NCAM1: variants seen among roughly 807,000 people sequenced by gnomAD.
The protein encoded by NCAM1 is antigen recognized by monoclonal antibody 5.1H11.
NCAM1 carries 14 observed loss-of-function variants against 109.8 expected under a neutral mutation model. That is an observed-to-expected ratio of 0.13 (90% confidence interval 0.08 to 0.20). The LOEUF (loss-of-function observed/expected upper bound fraction) is 0.20. NCAM1 is among the 10% of genes least tolerant of loss of function. NCAM1 has a pLI of 1.00. For missense variants in NCAM1, 774 were observed against 1,109.9 expected (o/e 0.70, Z 4.30); for synonymous variants, 418 against 442.9 (o/e 0.94, Z 0.70).
intron 1 of NCAM1, among the ~76,000 whole-genome samples, chr11:112,983,809 G>T (rs1426474948): frequency 6.6e-6 from 1 of 151,824 alleles, no homozygotes; most frequent in African/African-American, 2.4e-5. Flanking sequence ...TGATATACAT[G>T]TACATAACAA....
rs73572723 is a variant in NCAM1, at chr11:113,252,859, C to G, written c.1829-3018C>G. Among the ~76,000 whole-genome samples, 280 of 123,278 alleles carry G rather than the reference C, an allele frequency of 2.3e-3. 5 individuals carry two copies. The highest frequency in any genetic ancestry group is 8.2e-3 in the African/African-American group (274 of 33,318). 80.9% of individuals were successfully genotyped at this position (123,278 alleles called of 152,430 possible). ...AGAGACAGAGTTTCACTATGTTGGCCAGGCTGGTCACAAAATCCTAACCAC... is the reference window on the plus strand; with the variant it reads ...AGAGACAGAGTTTCACTATGTTGGCGAGGCTGGTCACAAAATCCTAACCAC... On this transcript the variant is annotated intron_variant, in intron 15 of 19. Transcript: ENST00000316851.
intron 1 of NCAM1, among the ~76,000 whole-genome samples, chr11:113,004,290 C>T (rs1555072951): frequency 6.6e-6 from 1 of 152,038 alleles, no homozygotes; most frequent in African/African-American, 2.4e-5. Context: ...GTCAGGAGTT[C>T]AAGACCAGCC....
At chr11:113,242,939 T>A in intron 14 of NCAM1, 1 of 1,603,536 alleles carries the variant, frequency 6.2e-7, no homozygotes, top group Non-Finnish European at 8.5e-7. Context: ...TGTTTTCCCT[T>A]TTATTAAAAG....
intron 1 of NCAM1, among the ~76,000 whole-genome samples, chr11:113,163,246 T>G (rs782231978): frequency 3.9e-5 from 6 of 152,182 alleles, no homozygotes; most frequent in Non-Finnish European, 8.8e-5. Context: ...CTGTGGCATA[T>G]CTTTTTCTGT....
chr11:113,239,877 A>G (rs1945275870), intron 14 of NCAM1, among the ~76,000 whole-genome samples: 1 of 152,308 alleles, frequency 6.6e-6, no homozygotes, highest in South Asian at 2.1e-4. Context: ...TGAGTATTAG[A>G]TATTAAGGCA....
chr11:113,202,555 C>A, intron 2 of NCAM1, 102 bp downstream of exon 2: 1 of 1,028,380 alleles, frequency 9.7e-7, no homozygotes, highest in Non-Finnish European at 1.4e-6. Context: ...CAAGCCACAC[C>A]TAGAATTCTT....
chr11:113,002,061 G>A (rs147969435), intron 1 of NCAM1, among the ~76,000 whole-genome samples: 3 of 152,238 alleles, frequency 2.0e-5, no homozygotes, highest in East Asian at 1.9e-4. Context: ...TGGTTAGTTC[G>A]GTTTAGGCCA....
At chr11:113,090,042 T>G (rs1191364852) in intron 1 of NCAM1, among the ~76,000 whole-genome samples, 1 of 152,248 alleles carries the variant, frequency 6.6e-6, no homozygotes, top group Non-Finnish European at 1.5e-5. Flanking sequence ...TAGGATTTTG[T>G]GTGCATTCAA....
chr11:112,969,743 C>T (rs759583064), intron 1 of NCAM1, among the ~76,000 whole-genome samples: 29 of 152,080 alleles, frequency 1.9e-4, no homozygotes, highest in Non-Finnish European at 3.8e-4. Flanking sequence ...GTGTACAGTA[C>T]TCTGAATATG....
chr11:113,186,519 T>C (rs1171475155), intron 1 of NCAM1, among the ~76,000 whole-genome samples: 2 of 152,220 alleles, frequency 1.3e-5, no homozygotes, highest in African/African-American at 4.8e-5. Context: ...CACAAGCTAA[T>C]TGCTATAGGA....
At position 113,131,029 on chromosome 11, in the gene NCAM1, C is replaced by G. The variant is rs1941363062; in HGVS notation, c.53-71350C>G. ...CTCTGGAAAAATTTGCTTCCTTAGC[C>G]TAAAAGTCACAGGACAGACGGTTAG... On this transcript the variant is annotated intron_variant, in intron 1 of 19. Coordinates refer to ENST00000316851, the MANE Select transcript of NCAM1 (RefSeq NM_181351.5). Among the ~76,000 whole-genome samples, 3 of 152,224 alleles carry G rather than the reference C, an allele frequency of 2.0e-5. No individual in the cohort carries two copies. In the South Asian group the frequency reaches 6.2e-4, roughly 32 times the overall value.
intron 1 of NCAM1, among the ~76,000 whole-genome samples, chr11:113,088,691 C>T (rs1555088757): frequency 2.6e-5 from 4 of 152,176 alleles, no homozygotes; most frequent in African/African-American, 9.7e-5. Context: ...TTATAGGCTA[C>T]AGGTGTATGT....
intron 1 of NCAM1, among the ~76,000 whole-genome samples, chr11:113,058,195 A>G (rs898139387): frequency 3.3e-5 from 5 of 152,088 alleles, no homozygotes; most frequent in African/African-American, 1.2e-4. Context: ...GACGCAGGAG[A>G]ATCACTTGAA....
At chr11:113,223,309 G>A (rs1944738989) in intron 9 of NCAM1, among the ~76,000 whole-genome samples, 2 of 152,068 alleles carry the variant, frequency 1.3e-5, no homozygotes, top group African/African-American at 4.8e-5. Context: ...GGGAGAACTG[G>A]GCATCTGGCA....
intron 1 of NCAM1, among the ~76,000 whole-genome samples, chr11:113,044,518 C>G (rs1169972624): frequency 8.5e-5 from 13 of 152,062 alleles, no homozygotes; most frequent in South Asian, 6.2e-4. Context: ...AAACCCATCT[C>G]TACTAAAAAT....
chr11:112,967,893 A>G (rs565379145), intron 1 of NCAM1, among the ~76,000 whole-genome samples: 2 of 152,294 alleles, frequency 1.3e-5, no homozygotes, highest in African/African-American at 4.8e-5. Flanking sequence ...AGGGTATATA[A>G]TTTTGAGGGC....
chr11:113,195,495 ATTTTTTTT>A (rs561856662), intron 1 of NCAM1, among the ~76,000 whole-genome samples: 3 of 85,584 alleles, frequency 3.5e-5, no homozygotes, highest in Admixed American at 1.6e-4. Context: ...CCCTTAGTAG[ATTTTTTTT>A]TTTTTTTTTT....
chr11:112,980,167 G>A (rs1951116060), intron 1 of NCAM1, among the ~76,000 whole-genome samples: 1 of 151,750 alleles, frequency 6.6e-6, no homozygotes. Context: ...CCGCTAGGAT[G>A]GCTAGAATCA....
intron 15 of NCAM1, among the ~76,000 whole-genome samples, chr11:113,247,912 T>C (rs1333964751): frequency 6.6e-6 from 1 of 152,210 alleles, no homozygotes; most frequent in Admixed American, 6.5e-5. Flanking sequence ...AGATGACTGT[T>C]CAGTAGCTGA....
Sources: allele counts gnomAD v4.1 joint callset (sites outside exome capture counted in the v4.1 genomes callset), GRCh38; gene constraint gnomAD v4.1.1; transcripts MANE v1.5; gene names NCBI Gene and HGNC (gene_info 2026-07-23, HGNC 2026-07-21).